FAM107B: variants seen among roughly 807,000 people sequenced by gnomAD.
FAM107B encodes family with sequence similarity 107 member B.
A neutral mutation model predicts 31.5 loss-of-function variants in FAM107B; 21 were observed. The observed-to-expected ratio is 0.67, with a 90% CI of 0.47 to 0.96. The LOEUF (loss-of-function observed/expected upper bound fraction) is 0.96. FAM107B is among the 40% of genes least tolerant of loss of function. The pLI is 0.00. For missense variants in FAM107B, 452 were observed against 377.1 expected, an observed-to-expected ratio of 1.20 and a Z score of -1.64; for synonymous variants, 157 against 141.5, an observed-to-expected ratio of 1.11 and a Z score of -0.78.
intron 2 of FAM107B, among the ~76,000 whole-genome samples, chr10:14,666,321 A>C (rs1397314504): frequency 6.6e-6 from 1 of 152,068 alleles, no homozygotes; most frequent in African/African-American, 2.4e-5. Context: ...AGAAGGAAGC[A>C]TGTCCTTCTT....
At chr10:14,619,601 A>T (rs575104660) in intron 2 of FAM107B, among the ~76,000 whole-genome samples, 5 of 150,414 alleles carry the variant, frequency 3.3e-5, no homozygotes, top group Non-Finnish European at 5.9e-5. Context: ...CCCATCTATG[A>T]CTTCTCTTTT....
At position 14,627,942 on chromosome 10, in the gene FAM107B, C is replaced by T. The variant is rs534244654; in HGVS notation, c.469+39692G>A. ...ATTGAGAGTAACTACGAAGGGTAGG[C>T]GTGAATTCAAGGGCTTAGGGCAGAA... is the stretch of plus-strand genomic sequence containing the variant. On this transcript the variant is annotated intron_variant, in intron 2 of 4. Coordinates refer to ENST00000181796, the MANE Select transcript of FAM107B (RefSeq NM_031453.4). Among the ~76,000 whole-genome samples, 5 of 151,968 alleles carry T rather than the reference C, an allele frequency of 3.3e-5. No individual in the cohort carries two copies. In the South Asian group the frequency reaches 6.3e-4, roughly 19 times the overall value.
At chr10:14,733,201 A>C (rs1856214765) in intron 1 of FAM107B, among the ~76,000 whole-genome samples, 2 of 151,990 alleles carry the variant, frequency 1.3e-5, no homozygotes, top group African/African-American at 4.8e-5. Flanking sequence ...CTTGGCTGTC[A>C]CTATAACTTC....
intron 1 of FAM107B, among the ~76,000 whole-genome samples, chr10:14,739,331 T>C (rs2601749): frequency 0.49 from 74,603 of 152,082 alleles, 19,905 homozygotes; most frequent in African/African-American, 0.72. Context: ...GAAATTGGAA[T>C]GATCCAGAAA....
chr10:14,767,452 T>A (rs1833207468), intron 1 of FAM107B, among the ~76,000 whole-genome samples: 1 of 151,938 alleles, frequency 6.6e-6, no homozygotes, highest in African/African-American at 2.4e-5. Flanking sequence ...AACTGCAGCA[T>A]ATTAAAAAGA....
intron 2 of FAM107B, among the ~76,000 whole-genome samples, chr10:14,626,417 T>C (rs571331634): frequency 6.6e-5 from 10 of 152,182 alleles, no homozygotes; most frequent in African/African-American, 2.4e-4. Context: ...ACAATACTTC[T>C]GCTGTTTGGT....
chr10:14,530,247 A>G (rs1846809747), intron 3 of FAM107B, 85 bp downstream of exon 3: 1 of 1,343,644 alleles, frequency 7.4e-7, no homozygotes, highest in Non-Finnish European at 1.0e-6. Flanking sequence ...AGACTCTTTG[A>G]AGCCTCTGTA....
chr10:14,622,159 G>A (rs1040917964), intron 2 of FAM107B, among the ~76,000 whole-genome samples: 1 of 152,150 alleles, frequency 6.6e-6, no homozygotes, highest in African/African-American at 2.4e-5. Context: ...ACGGGGGCCA[G>A]GCAATATGTC....
intron 1 of FAM107B, among the ~76,000 whole-genome samples, chr10:14,752,976 C>T (rs890054716): frequency 6.6e-6 from 1 of 151,804 alleles, no homozygotes. Context: ...ATTCAAATAG[C>T]ACATTGTATA....
At chr10:14,614,173 C>G (rs907878632) in intron 2 of FAM107B, among the ~76,000 whole-genome samples, 12 of 152,010 alleles carry the variant, frequency 7.9e-5, no homozygotes, top group African/African-American at 2.9e-4. Flanking sequence ...CTTTCTTTCC[C>G]CCTAAACAGT....
chr10:14,534,029 A>G (rs1253601207), intron 2 of FAM107B, among the ~76,000 whole-genome samples: 2 of 152,212 alleles, frequency 1.3e-5, no homozygotes, highest in African/African-American at 4.8e-5. Flanking sequence ...TCCGTGGGAC[A>G]GTGTGGTGAA....
chr10:14,687,158 T>C (rs1855010119), intron 1 of FAM107B, among the ~76,000 whole-genome samples: 1 of 152,326 alleles, frequency 6.6e-6, no homozygotes, highest in Non-Finnish European at 1.5e-5. Context: ...GTTAACCTCA[T>C]TCTAGAAAGG....
In FAM107B at chr10:14,710,974, G is replaced by A. The variant is rs540114285; in HGVS notation, c.412-43283C>T. On this transcript the variant is annotated intron_variant, in intron 1 of 4. Coordinates refer to ENST00000181796, the MANE Select transcript of FAM107B (RefSeq NM_031453.4). ...GTCACCCAGACTAGAGTGCAGTGGC[G>A]AGATCTCAGCTCACTGCAACCTCTG... Among the ~76,000 whole-genome samples the A allele has an allele frequency of 2.7e-5, 4 of 150,354 alleles. No homozygotes were observed. In the South Asian group the frequency reaches 6.3e-4, roughly 24 times the overall value.
chr10:14,540,466 C>G (rs1265239973), intron 2 of FAM107B, among the ~76,000 whole-genome samples: 1 of 152,220 alleles, frequency 6.6e-6, no homozygotes, highest in African/African-American at 2.4e-5. Context: ...GTGACACTCT[C>G]CTGGGCCTCT....
chr10:14,737,798 C>CTG (rs1189006104), intron 1 of FAM107B, among the ~76,000 whole-genome samples: 1 of 151,338 alleles, frequency 6.6e-6, no homozygotes, highest in Admixed American at 6.6e-5. Context: ...CTCTCTCTCT[C>CTG]TCCTTCGTTG....
At chr10:14,764,379 C>T (rs1833120365) in intron 1 of FAM107B, among the ~76,000 whole-genome samples, 1 of 152,120 alleles carries the variant, frequency 6.6e-6, no homozygotes. Flanking sequence ...GCTTAGGTTC[C>T]AACAGTTGCC....
intron 2 of FAM107B, among the ~76,000 whole-genome samples, chr10:14,636,341 G>C (rs905597640): frequency 6.6e-6 from 1 of 151,064 alleles, no homozygotes; most frequent in Non-Finnish European, 1.5e-5. Context: ...GAGAGAGAGA[G>C]AGAAATGTCT....
chr10:14,635,973 C>T (rs555209657), intron 2 of FAM107B, among the ~76,000 whole-genome samples: 11 of 152,234 alleles, frequency 7.2e-5, no homozygotes, highest in Admixed American at 1.3e-4. Context: ...AATGATAGCT[C>T]CTGTGGAGCC....
chr10:14,634,863 G>A (rs1156764935), intron 2 of FAM107B, among the ~76,000 whole-genome samples: 9 of 152,126 alleles, frequency 5.9e-5, no homozygotes, highest in Admixed American at 5.2e-4. Flanking sequence ...GCCGAGGCAG[G>A]CAGATCACTT....
Sources: gnomAD v4.1 joint callset for allele counts (sites outside exome capture counted in the v4.1 genomes callset) on GRCh38, gnomAD v4.1.1 for gene constraint, MANE v1.5 for transcripts, NCBI Gene and HGNC (gene_info 2026-07-23, HGNC 2026-07-21) for gene names.